The following PCDHA7 variants were observed in gnomAD, a reference collection of about 807,000 sequenced individuals.
The protein encoded by PCDHA7 is protocadherin alpha 7, also known as protocadherin alpha-7.
A neutral mutation model predicts 57.2 loss-of-function variants in PCDHA7; 37 were observed. The observed-to-expected ratio is 0.65, with a 90% confidence interval of 0.50 to 0.85. The LOEUF (loss-of-function observed/expected upper bound fraction) is 0.85. Ranked by LOEUF, PCDHA7 falls within the 40% of genes least tolerant of loss-of-function variation. The pLI is 0.00. For missense variants in PCDHA7, 1,188 were observed against 1,241.8 expected (o/e 0.96, Z 0.65); for synonymous variants, 553 against 558.8 (o/e 0.99, Z 0.15).
chr5:140,857,108 C>T, intron 1 of PCDHA7: 6 of 1,597,856 alleles, frequency 3.8e-6, no homozygotes, highest in Non-Finnish European at 5.1e-6. Context: ...TGTCACTTCT[C>T]TGTCTCTCCC....
chr5:140,845,026 C>T (rs1193060489), intron 1 of PCDHA7, among the ~76,000 whole-genome samples: 2 of 149,188 alleles, frequency 1.3e-5, no homozygotes, highest in Non-Finnish European at 3.0e-5. Flanking sequence ...CATTTATGGG[C>T]ATATTTTAGC....
chr5:140,836,191 A>G lies in PCDHA7; in HGVS notation c.1808A>G (p.Tyr603Cys). ...KVRAVDADSG[Y>C]NAWLSYELQP... The stretch of plus-strand genomic sequence containing the variant: ...CGTGCAGTTGACGCTGACTCAGGCT[A>G]CAACGCGTGGCTTTCGTATGAGTTG... The change falls in exon 1 of 4, where the codon TAC becomes TGC. Residue 603 changes from tyrosine to cysteine, a missense_variant. Physicochemically the swap from Tyr to Cys is radical, Grantham distance 194 (BLOSUM62 -2). Around this residue, in one of 3 missense-constraint regions of PCDHA7, gnomAD observed 892 missense variants for 788.5 expected, o/e 1.13. Coordinates refer to ENST00000525929, the MANE Select transcript of PCDHA7 (RefSeq NM_018910.3). 1.2e-6 allele frequency: 2 copies of G among 1,613,828 alleles called. 1 individual carries two copies. Among genetic ancestry groups the G allele is most frequent in the South Asian group, 2.2e-5 (2 of 91,074 alleles).
intron 1 of PCDHA7, chr5:140,847,877 C>T (rs1305831915): frequency 6.7e-6 from 1 of 149,752 alleles, no homozygotes; most frequent in African/African-American, 2.4e-5. Flanking sequence ...CCAGACATGA[C>T]TAAGTTTCTT....
intron 1 of PCDHA7, chr5:140,967,990 G>C: frequency 6.2e-7 from 1 of 1,614,232 alleles, no homozygotes; most frequent in Non-Finnish European, 8.5e-7. Flanking sequence ...AGGCCACACT[G>C]CCTTTCCGAC....
At chr5:140,930,169 A>G (rs1312219690) in intron 1 of PCDHA7, 1 of 152,184 alleles carries the variant, frequency 6.6e-6, no homozygotes, top group Non-Finnish European at 1.5e-5. Context: ...AATATTTTAC[A>G]AAGAGGAAAG....
intron 1 of PCDHA7, among the ~76,000 whole-genome samples, chr5:140,897,735 C>G (rs2066294879): frequency 6.6e-6 from 1 of 152,160 alleles, no homozygotes; most frequent in Non-Finnish European, 1.5e-5. Flanking sequence ...AATAGTATTT[C>G]TAGTTCTAGA....
In PCDHA7 at chr5:141,011,807, A is replaced by G. The variant is rs940017317; in HGVS notation, c.*1870A>G. ...CTAATGGTATCTGAAATATCAGCTC[A>G]TAGAAAGTAACAAAATTTGCTGTCA... On this transcript the variant is annotated 3_prime_UTR_variant, in exon 4 of 4. Coordinates refer to ENST00000525929, the MANE Select transcript of PCDHA7 (RefSeq NM_018910.3). The G allele has an allele frequency of 1.3e-5, 2 of 153,798 alleles. No individual in the cohort carries two copies. Among genetic ancestry groups the G allele is most frequent in the African/African-American group, 4.8e-5 (2 of 41,468 alleles). The allele number at this position is 153,798 out of a possible 1,614,324, so 9.5% of individuals were successfully genotyped here.
intron 1 of PCDHA7, chr5:140,849,567 C>G: frequency 1.3e-6 from 2 of 1,598,580 alleles, no homozygotes; most frequent in Non-Finnish European, 1.7e-6. Flanking sequence ...GCTCTCGGTT[C>G]CTGTAAAAGA....
At chr5:140,903,347 A>C (rs1393300562) in intron 1 of PCDHA7, among the ~76,000 whole-genome samples, 2 of 152,228 alleles carry the variant, frequency 1.3e-5, no homozygotes, top group Non-Finnish European at 2.9e-5. Context: ...GCATTTTAAA[A>C]AACAAGTTTT....
intron 1 of PCDHA7, chr5:140,849,056 G>T: frequency 6.4e-7 from 1 of 1,554,944 alleles, no homozygotes; most frequent in South Asian, 1.1e-5. Context: ...CCAGCAACCA[G>T]CAGGTAAAAC....
chr5:140,858,426 A>T, intron 1 of PCDHA7: 9 of 1,551,394 alleles, frequency 5.8e-6, no homozygotes, highest in Non-Finnish European at 7.9e-6. Flanking sequence ...GGAGGGGACC[A>T]CTCTAGGAAG....
intron 1 of PCDHA7, among the ~76,000 whole-genome samples, chr5:140,913,921 C>T (rs782350245): frequency 1.4e-4 from 22 of 152,018 alleles, no homozygotes; most frequent in South Asian, 1.2e-3. Flanking sequence ...AATTTTACTT[C>T]ATTGTGGTCA....
rs149739125 is a variant in PCDHA7, at chr5:140,954,248, C to T, written c.2356-24701C>T. 1.2e-3 allele frequency among the ~76,000 whole-genome samples: 179 copies of T among 152,316 alleles called. 1 individual carries two copies. The highest frequency in any genetic ancestry group is 4.0e-3 in the African/African-American group (166 of 41,572). ...TGAATAGTGCTGCAATGAACATACACATGCAGGTATCTTTATAATAGGATG... is the reference window on the plus strand; with the variant it reads ...TGAATAGTGCTGCAATGAACATACATATGCAGGTATCTTTATAATAGGATG... On this transcript the variant is annotated intron_variant, in intron 1 of 3. Coordinates refer to ENST00000525929, the MANE Select transcript of PCDHA7 (RefSeq NM_018910.3).
intron 1 of PCDHA7, chr5:140,875,980 T>A: frequency 6.2e-7 from 1 of 1,614,062 alleles, no homozygotes; most frequent in East Asian, 2.2e-5. Context: ...TCTTTTGACC[T>A]ATGCGTTAAG....
intron 1 of PCDHA7, among the ~76,000 whole-genome samples, chr5:140,881,897 C>T (rs2058860141): frequency 6.6e-6 from 1 of 152,146 alleles, no homozygotes; most frequent in African/African-American, 2.4e-5. Context: ...CAATTGTCAG[C>T]TAATATAAAA....
intron 1 of PCDHA7, among the ~76,000 whole-genome samples, chr5:140,937,187 G>A (rs1443565443): frequency 6.6e-6 from 1 of 151,764 alleles, no homozygotes; most frequent in Non-Finnish European, 1.5e-5. Context: ...ACAGGCGCCC[G>A]CCACCATGCC....
intron 3 of PCDHA7, among the ~76,000 whole-genome samples, chr5:140,998,018 G>A (rs575495303): frequency 2.0e-5 from 3 of 152,170 alleles, no homozygotes; most frequent in Admixed American, 6.5e-5. Flanking sequence ...TCCCCACCTC[G>A]AGCTAGTGCT....
chr5:140,915,887 TC>T (rs1276492784), intron 1 of PCDHA7, among the ~76,000 whole-genome samples: 1 of 152,078 alleles, frequency 6.6e-6, no homozygotes, highest in African/African-American at 2.4e-5. Context: ...GGTAGCAAGT[TC>T]CCCCTGGCCC....
intron 1 of PCDHA7, among the ~76,000 whole-genome samples, chr5:140,840,582 C>T (rs1776775651): frequency 6.6e-6 from 1 of 151,916 alleles, no homozygotes; most frequent in African/African-American, 2.4e-5. Flanking sequence ...TCAGAGAAAT[C>T]ATAAAGGAAA....
Sources: allele counts gnomAD v4.1 joint callset (sites outside exome capture counted in the v4.1 genomes callset), GRCh38; gene constraint gnomAD v4.1.1; regional missense constraint gnomAD v4.1.1; transcripts MANE v1.5; gene names NCBI Gene and HGNC (gene_info 2026-07-23, HGNC 2026-07-21).